The following STXBP5L variants were observed in gnomAD, a reference collection of about 807,000 sequenced individuals.
STXBP5L encodes syntaxin binding protein 5L.
Under a neutral mutation model 144.5 loss-of-function variants are expected in STXBP5L, and 65 were observed. The observed-to-expected ratio is 0.45, with a 90% CI of 0.37 to 0.55. The LOEUF (loss-of-function observed/expected upper bound fraction) is 0.55. Among genes scored for constraint, STXBP5L ranks in the 20% least tolerant of loss-of-function variants. The pLI is 0.00. For missense variants in STXBP5L, 1,298 were observed against 1,405.5 expected (o/e 0.92, Z 1.22); for synonymous variants, 505 against 469.6 (o/e 1.08, Z -0.97).
In STXBP5L at chr3:120,913,345, G is replaced by A. The variant is rs2931071; in HGVS notation, c.189+3578G>A. ...CATTCTTAGAGAATCAAAATCTCTA[G>A]GGATGAGTCCTAGGCACTTGCATTT... is the stretch of plus-strand genomic sequence containing the variant. On this transcript the variant is annotated intron_variant, in intron 2 of 26. Transcript: ENST00000471454. Among the ~76,000 whole-genome samples, 30 of 152,060 alleles carry A rather than the reference G, an allele frequency of 2.0e-4. 1 individual carries two copies. The highest frequency in any genetic ancestry group is 5.2e-4 in the Admixed American group (8 of 15,270).
chr3:121,358,394 G>A (rs867691234), intron 20 of STXBP5L, among the ~76,000 whole-genome samples: 2 of 152,266 alleles, frequency 1.3e-5, no homozygotes, highest in Middle Eastern at 3.4e-3. Flanking sequence ...GGCTGGGGAG[G>A]CCTCAGAAAA....
chr3:120,953,299 A>G (rs1196046509), intron 2 of STXBP5L, among the ~76,000 whole-genome samples: 1 of 151,212 alleles, frequency 6.6e-6, no homozygotes, highest in South Asian at 2.1e-4. Context: ...AGTAGCTCCA[A>G]TAGCCTTGAA....
Position 121,301,426 on chromosome 3 carries a change from C to G in STXBP5L, c.2111-17049C>G, listed in dbSNP as rs1435298934. On this transcript the variant is annotated intron_variant, in intron 19 of 26. Coordinates refer to ENST00000471454, the MANE Select transcript of STXBP5L (RefSeq NM_001308330.2). The stretch of plus-strand genomic sequence containing the variant: ...CTGAGACTTTGCTGAAGTTGGTTAT[C>G]AGCTTAAGGAGATTTTGGGCTGAGA... Among the ~76,000 whole-genome samples the G allele has an allele frequency of 2.0e-5, 3 of 152,136 alleles. No homozygotes were observed. In the East Asian group the frequency reaches 5.8e-4, roughly 29 times the overall value.
intron 19 of STXBP5L, among the ~76,000 whole-genome samples, chr3:121,308,843 G>A (rs906248743): frequency 7.2e-5 from 11 of 151,976 alleles, no homozygotes; most frequent in African/African-American, 2.7e-4. Flanking sequence ...GATTTAATTT[G>A]TATACCAATA....
At chr3:121,021,563 G>A (rs1392240626) in intron 3 of STXBP5L, among the ~76,000 whole-genome samples, 1 of 152,074 alleles carries the variant, frequency 6.6e-6, no homozygotes, top group Admixed American at 6.5e-5. Context: ...ATTATAGCAA[G>A]TGCTCTCTCT....
At chr3:121,073,159 G>T (rs1219938215) in intron 5 of STXBP5L, among the ~76,000 whole-genome samples, 1 of 152,154 alleles carries the variant, frequency 6.6e-6, no homozygotes, top group Non-Finnish European at 1.5e-5. Context: ...TTTTTGGCTT[G>T]ATAAAACCTC....
chr3:121,317,969 A>G (rs767736466), intron 19 of STXBP5L, among the ~76,000 whole-genome samples: 5 of 152,122 alleles, frequency 3.3e-5, no homozygotes, highest in Non-Finnish European at 5.9e-5. Flanking sequence ...TTGATTAGGT[A>G]TTGTTAAAAC....
In STXBP5L at chr3:121,423,594, T is replaced by C. The variant is rs2047399304; in HGVS notation, c.*4497T>C. 1 of 152,212 alleles carries C rather than the reference T, an allele frequency of 6.6e-6. No individual in the cohort carries two copies. The highest frequency in any genetic ancestry group is 1.5e-5 in the Non-Finnish European group (1 of 68,042). 9.4% of individuals were successfully genotyped at this position (152,212 alleles called of 1,614,324 possible). On this transcript the variant is annotated 3_prime_UTR_variant, in exon 27 of 27. Transcript: ENST00000471454. ...TAGAGGAGTGATTCTCAACCTTGAC[T>C]GTACATAAGAATCACCTCAGGAAAT...
At chr3:120,948,973 G>A (rs1020275904) in intron 2 of STXBP5L, among the ~76,000 whole-genome samples, 1 of 151,684 alleles carries the variant, frequency 6.6e-6, no homozygotes, top group African/African-American at 2.4e-5. Context: ...AGCTCTTTAA[G>A]GAATATCTAT....
chr3:121,242,000 G>A (rs914342168), intron 14 of STXBP5L, among the ~76,000 whole-genome samples: 3 of 152,088 alleles, frequency 2.0e-5, no homozygotes, highest in Admixed American at 2.0e-4. Context: ...TTCAAGTACT[G>A]AAAGAAAAGA....
chr3:120,971,449 G>A (rs980932831), intron 3 of STXBP5L, among the ~76,000 whole-genome samples: 2 of 151,562 alleles, frequency 1.3e-5, no homozygotes, highest in Non-Finnish European at 2.9e-5. Flanking sequence ...GTGTCTATGT[G>A]TACCCACTGT....
chr3:121,160,148 A>C, intron 9 of STXBP5L, among the ~76,000 whole-genome samples: 1 of 152,160 alleles, frequency 6.6e-6, no homozygotes, highest in East Asian at 1.9e-4. Context: ...TGTTTTCCAG[A>C]TTCCCTGTAA....
chr3:121,393,245 T>G (rs2046641663), intron 22 of STXBP5L, among the ~76,000 whole-genome samples: 1 of 152,028 alleles, frequency 6.6e-6, no homozygotes, highest in Non-Finnish European at 1.5e-5. Flanking sequence ...AAAGTGCCTG[T>G]TCATGTATTT....
intron 10 of STXBP5L, among the ~76,000 whole-genome samples, chr3:121,208,512 C>A (rs1332182400): frequency 6.6e-6 from 1 of 150,656 alleles, no homozygotes; most frequent in Non-Finnish European, 1.5e-5. Flanking sequence ...CAAAAAAACC[C>A]ACTGTTTTAT....
chr3:121,023,997 A>G (rs1945745917), intron 3 of STXBP5L, among the ~76,000 whole-genome samples: 1 of 151,958 alleles, frequency 6.6e-6, no homozygotes, highest in African/African-American at 2.4e-5. Flanking sequence ...TGACCTTGTG[A>G]TACGCCCGCC....
In STXBP5L at chr3:121,303,271, G is replaced by GA. The variant is rs1324925786; in HGVS notation, c.2111-15198dup. ...ACATTTACACAGCCAAAAGACACATGAAAAAATGCTCATCATCACTGGCCA... is the reference window on the plus strand; with the variant it reads ...ACATTTACACAGCCAAAAGACACATGAAAAAAATGCTCATCATCACTGGCCA... On this transcript the variant is annotated intron_variant, in intron 19 of 26. Transcript: ENST00000471454. Among the ~76,000 whole-genome samples the GA allele has an allele frequency of 5.1e-4, 77 of 152,110 alleles. No homozygotes were observed. In the East Asian group the frequency reaches 0.013, roughly 26 times the overall value.
intron 3 of STXBP5L, among the ~76,000 whole-genome samples, chr3:120,995,142 C>A (rs1006480871): frequency 6.6e-6 from 1 of 151,920 alleles, no homozygotes; most frequent in Non-Finnish European, 1.5e-5. Flanking sequence ...CTTGTTTTCT[C>A]TTTTTGTTTT....
chr3:121,100,126 C>G (rs1448289996), intron 5 of STXBP5L, among the ~76,000 whole-genome samples: 1 of 152,160 alleles, frequency 6.6e-6, no homozygotes, highest in Admixed American at 6.5e-5. Flanking sequence ...TATAAAAAGA[C>G]TTAGACAGCT....
At chr3:121,376,618 C>T (rs1167065685) in intron 20 of STXBP5L, among the ~76,000 whole-genome samples, 1 of 152,132 alleles carries the variant, frequency 6.6e-6, no homozygotes, top group Non-Finnish European at 1.5e-5. Flanking sequence ...CAGTATCATG[C>T]TGTTTTGGTT....
Sources: allele counts gnomAD v4.1 joint callset (sites outside exome capture counted in the v4.1 genomes callset), GRCh38; gene constraint gnomAD v4.1.1; transcripts MANE v1.5; gene names NCBI Gene and HGNC (gene_info 2026-07-23, HGNC 2026-07-21).